The following SCAF11 variants were observed in gnomAD, a reference collection of about 807,000 sequenced individuals.
The protein encoded by SCAF11 is SR-related CTD associated factor 11.
In SCAF11, 47 loss-of-function variants were observed where a neutral mutation model predicts 140.5. The observed-to-expected ratio is 0.33, with a 90% CI of 0.26 to 0.43. The LOEUF (loss-of-function observed/expected upper bound fraction) is 0.43, where lower values mean the gene tolerates loss of function less well. Ranked by LOEUF, SCAF11 falls within the 20% of genes least tolerant of loss-of-function variation. The probability of loss-of-function intolerance (pLI) is 1.00; values close to 1 mark genes in which losing one functional copy is unlikely to be tolerated. For missense variants in SCAF11, 1,645 were observed against 1,705.1 expected (o/e 0.96, Z 0.62); for synonymous variants, 557 against 579.4 (o/e 0.96, Z 0.55).
intron 1 of SCAF11, among the ~76,000 whole-genome samples, chr12:45,972,939 G>GAT (rs1170160802): frequency 8.8e-4 from 8 of 9,046 alleles, no homozygotes; most frequent in East Asian, 4.8e-3. Context: ...GATATATATA[G>GAT]ATATATATAT....
chr12:45,988,514 G>C (rs991476105), intron 1 of SCAF11, among the ~76,000 whole-genome samples: 2 of 152,176 alleles, frequency 1.3e-5, no homozygotes, highest in Non-Finnish European at 2.9e-5. Flanking sequence ...AAGGACGATA[G>C]AGAGCTAAGT....
chr12:45,965,080 T>C (rs1249931149), intron 1 of SCAF11, among the ~76,000 whole-genome samples: 1 of 152,102 alleles, frequency 6.6e-6, no homozygotes, highest in Non-Finnish European at 1.5e-5. Flanking sequence ...GTAAATCAAG[T>C]ATGGCTAGAT....
intron 1 of SCAF11, among the ~76,000 whole-genome samples, chr12:45,965,770 A>G (rs181864537): frequency 1.3e-5 from 2 of 152,206 alleles, no homozygotes; most frequent in Non-Finnish European, 2.9e-5. Context: ...TTAATTTCTA[A>G]AATAATTTAC....
chr12:45,942,362 G>C (rs1472657737), intron 6 of SCAF11, among the ~76,000 whole-genome samples: 1 of 151,990 alleles, frequency 6.6e-6, no homozygotes, highest in Non-Finnish European at 1.5e-5. Context: ...AAAATAAAAA[G>C]AACAAAAAAG....
chr12:45,938,427 T>C (rs951135136), intron 6 of SCAF11, among the ~76,000 whole-genome samples: 1 of 152,130 alleles, frequency 6.6e-6, no homozygotes, highest in African/African-American at 2.4e-5. Context: ...AGGCGGAGGT[T>C]GCAGTAAGCT....
intron 5 of SCAF11, among the ~76,000 whole-genome samples, chr12:45,947,387 C>G (rs1273831535): frequency 1.3e-5 from 2 of 151,762 alleles, no homozygotes; most frequent in Non-Finnish European, 2.9e-5. Flanking sequence ...GTTTTAACAG[C>G]AACTAAAAAA....
intron 3 of SCAF11, chr12:45,953,832 A>C (rs1462012927): frequency 1.2e-6 from 1 of 861,934 alleles, no homozygotes; most frequent in Non-Finnish European, 1.7e-6. Context: ...ACTTACCTCT[A>C]AGGTTTTTAT....
intron 8 of SCAF11, among the ~76,000 whole-genome samples, chr12:45,933,644 T>C (rs1487009187): frequency 1.3e-5 from 2 of 152,126 alleles, no homozygotes; most frequent in African/African-American, 2.4e-5. Flanking sequence ...ATAGTTCAGC[T>C]TTTCAAAAGC....
Position 45,926,394 on chromosome 12 carries a change from G to T in SCAF11, c.3307C>A (p.Leu1103Ile), listed in dbSNP as rs760489585. The T allele has an allele frequency of 5.0e-6, 8 of 1,614,040 alleles. No individual in the cohort carries two copies. In the East Asian group the frequency reaches 1.8e-4, roughly 36 times the overall value. The change falls in exon 11 of 15, where the codon CTC becomes ATC. Residue 1103 changes from leucine (L) to isoleucine (I), a missense_variant. Physicochemically the swap from Leu to Ile is conservative, Grantham distance 5. Transcript: ENST00000369367. ...CCTGAACTGTTTGAATTCCCTGAGAGGGGTTTTCGATTTTGCCACCGATTT... is the reference window on the plus strand; with the variant it reads ...CCTGAACTGTTTGAATTCCCTGAGATGGGTTTTCGATTTTGCCACCGATTT... ...NENRWQNRKPLSGNSNSSGSE... is the reference protein window; with the variant it reads ...NENRWQNRKPISGNSNSSGSE...
intron 1 of SCAF11, among the ~76,000 whole-genome samples, chr12:45,985,499 A>G (rs1436165445): frequency 6.6e-6 from 1 of 152,104 alleles, no homozygotes; most frequent in East Asian, 1.9e-4. Flanking sequence ...CAGTGAAACA[A>G]CTGAAGGCCG....
intron 6 of SCAF11, among the ~76,000 whole-genome samples, chr12:45,940,731 G>T (rs17719679): frequency 6.6e-6 from 1 of 152,098 alleles, no homozygotes; most frequent in African/African-American, 2.4e-5. Context: ...CAGTTTCACC[G>T]CATTGTATCT....
intron 3 of SCAF11, chr12:45,960,610 A>G (rs1479161663): frequency 2.0e-5 from 3 of 152,080 alleles, no homozygotes; most frequent in African/African-American, 7.2e-5. Flanking sequence ...CTATCCTGTC[A>G]CTTCTTGTTA....
At chr12:45,937,028 T>C (rs946274183) in intron 6 of SCAF11, among the ~76,000 whole-genome samples, 2 of 152,210 alleles carry the variant, frequency 1.3e-5, no homozygotes, top group African/African-American at 2.4e-5. Flanking sequence ...TTCTAGAACT[T>C]TATGAAGTAT....
In SCAF11 at chr12:45,925,096, G is replaced by C. The variant is rs773574998; in HGVS notation, c.3560-22C>G. 1.9e-6 allele frequency: 3 copies of C among 1,564,074 alleles called. No individual in the cohort carries two copies. In the South Asian group the frequency reaches 3.5e-5, roughly 18 times the overall value. On this transcript the variant is annotated intron_variant, in intron 11 of 14. Coordinates refer to ENST00000369367, the MANE Select transcript of SCAF11 (RefSeq NM_004719.3). ...GAATCTATCAAAAGAAAAAAAGCTT[G>C]TGAAAAAAATCATGTTATAAATCTC...
rs1946574661 is a variant in SCAF11 at position 45,990,541 on chromosome 12, G to A, written c.-210C>T. On this transcript the variant is annotated 5_prime_UTR_variant, in exon 1 of 15. Coordinates refer to ENST00000369367, the MANE Select transcript of SCAF11 (RefSeq NM_004719.3). Reference sequence around the variant, plus strand: ...GGCGAAGCAGGGAGCGACCCAGGTTGCGCTGCTCCGCGCGGCTTAAGCCAC... The same window carrying A: ...GGCGAAGCAGGGAGCGACCCAGGTTACGCTGCTCCGCGCGGCTTAAGCCAC... The A allele has an allele frequency of 3.2e-6, 4 of 1,231,794 alleles. No individual in the cohort carries two copies. The South Asian group carries it at 1.2e-4, about 38-fold the overall frequency. The allele number at this position is 1,231,794 out of a possible 1,614,324, so 76.3% of individuals were successfully genotyped here.
At chr12:45,929,713 CTG>C (rs1944996410) in intron 10 of SCAF11, 1 of 152,174 alleles carries the variant, frequency 6.6e-6, no homozygotes, top group African/African-American at 2.4e-5. Flanking sequence ...ACAGATAAAA[CTG>C]TGTTTCTCAT....
chr12:45,953,668 T>C (rs1338632148), intron 3 of SCAF11, among the ~76,000 whole-genome samples: 8 of 152,216 alleles, frequency 5.3e-5, no homozygotes, highest in Non-Finnish European at 7.3e-5. Context: ...AAAAAGGTTA[T>C]GTGGTAATAA....
At chr12:45,972,983 T>TATAG in intron 1 of SCAF11, among the ~76,000 whole-genome samples, 2 of 140,574 alleles carry the variant, frequency 1.4e-5, no homozygotes, top group Non-Finnish European at 3.0e-5. Context: ...TATATAGATA[T>TATAG]ATAGATATAG....
chr12:45,945,010 C>A (rs933306602), intron 6 of SCAF11: 3 of 473,222 alleles, frequency 6.3e-6, no homozygotes, highest in African/African-American at 6.2e-5. Flanking sequence ...GTGAAACACT[C>A]TTTTCTCCCA....
Sources: gnomAD v4.1 joint callset for allele counts (sites outside exome capture counted in the v4.1 genomes callset) on GRCh38, gnomAD v4.1.1 for gene constraint, MANE v1.5 for transcripts, NCBI Gene and HGNC (gene_info 2026-07-23, HGNC 2026-07-21) for gene names.